The following MYO9A variants were observed in gnomAD, a reference collection of about 807,000 sequenced individuals.
The protein encoded by MYO9A is unconventional myosin-IXa.
MYO9A carries 103 observed loss-of-function variants against 293.3 expected under a neutral mutation model. The observed-to-expected ratio is 0.35, with a 90% CI of 0.30 to 0.41. The LOEUF is 0.41. Ranked by LOEUF, MYO9A falls within the 10% of genes least tolerant of loss-of-function variation. The pLI is 1.00. For missense variants in MYO9A, 2,685 were observed against 3,033.0 expected, an observed-to-expected ratio of 0.89 and a Z score of 2.69; for synonymous variants, 1,001 against 1,035.7, an observed-to-expected ratio of 0.97 and a Z score of 0.64.
At chr15:71,976,511 TC>T (rs1469870963) in intron 12 of MYO9A, among the ~76,000 whole-genome samples, 31 of 152,170 alleles carry the variant, frequency 2.0e-4, no homozygotes, top group Admixed American at 1.9e-3. Flanking sequence ...ACTATAAAAT[TC>T]CCCAAACAAA....
At chr15:71,957,333 TG>T (rs2059227626) in intron 14 of MYO9A, among the ~76,000 whole-genome samples, 1 of 152,152 alleles carries the variant, frequency 6.6e-6, no homozygotes, top group East Asian at 1.9e-4. Flanking sequence ...CTGACAAAGT[TG>T]TTTTGACAAT....
chr15:71,983,522 G>A (rs1247351785), intron 11 of MYO9A, among the ~76,000 whole-genome samples: 1 of 139,552 alleles, frequency 7.2e-6, no homozygotes, highest in African/African-American at 2.7e-5. Context: ...TGTCACCCAG[G>A]ATGGAGTGCA....
At chr15:71,866,485 C>G (rs982831167) in intron 32 of MYO9A, among the ~76,000 whole-genome samples, 2 of 151,380 alleles carry the variant, frequency 1.3e-5, no homozygotes, top group Admixed American at 6.6e-5. Flanking sequence ...GGCAACAGAC[C>G]CCATCTCTTA....
chr15:72,056,713 G>T (rs1386297050), intron 1 of MYO9A, among the ~76,000 whole-genome samples: 2 of 152,088 alleles, frequency 1.3e-5, no homozygotes, highest in Non-Finnish European at 2.9e-5. Context: ...AGTGGCTCAC[G>T]CCTGTTAATC....
intron 1 of MYO9A, among the ~76,000 whole-genome samples, chr15:72,075,859 CA>C (rs1406404606): frequency 6.6e-6 from 1 of 151,994 alleles, no homozygotes; most frequent in Admixed American, 6.6e-5. Flanking sequence ...TCTAGATCTG[CA>C]AGAAGGAATG....
chr15:71,986,022 G>C (rs1268392391), intron 11 of MYO9A, among the ~76,000 whole-genome samples: 5 of 152,110 alleles, frequency 3.3e-5, no homozygotes, highest in Non-Finnish European at 7.4e-5. Context: ...AGAAAAAAGA[G>C]GGCAGTAATA....
chr15:71,872,078 T>C (rs1390482498), intron 32 of MYO9A, among the ~76,000 whole-genome samples: 1 of 152,138 alleles, frequency 6.6e-6, no homozygotes, highest in Non-Finnish European at 1.5e-5. Context: ...TGAAAAAACT[T>C]AGTTCAAAAT....
chr15:71,995,016 G>T (rs529226716), intron 9 of MYO9A, among the ~76,000 whole-genome samples: 1 of 152,336 alleles, frequency 6.6e-6, no homozygotes, highest in East Asian at 1.9e-4. Flanking sequence ...ACAGGCGTGA[G>T]CCACCGCACC....
chr15:71,941,417 A>T (rs970266883), intron 15 of MYO9A, among the ~76,000 whole-genome samples: 1 of 152,228 alleles, frequency 6.6e-6, no homozygotes, highest in Non-Finnish European at 1.5e-5. Context: ...CCTGGATGAC[A>T]GGGCAAGACT....
intron 32 of MYO9A, among the ~76,000 whole-genome samples, chr15:71,874,154 C>T (rs945360861): frequency 1.3e-5 from 2 of 152,122 alleles, no homozygotes; most frequent in African/African-American, 4.8e-5. Flanking sequence ...ACAGTCAGAT[C>T]GCACTTCTAA....
At chr15:71,973,138 G>C (rs1356209649) in intron 12 of MYO9A, among the ~76,000 whole-genome samples, 1 of 152,120 alleles carries the variant, frequency 6.6e-6, no homozygotes, top group African/African-American at 2.4e-5. Context: ...CACCCTCCAA[G>C]GACAGAATTG....
chr15:71,926,193 G>A (rs2058309737), intron 18 of MYO9A, among the ~76,000 whole-genome samples: 1 of 152,126 alleles, frequency 6.6e-6, no homozygotes, highest in South Asian at 2.1e-4. Context: ...TACAAAGTTG[G>A]TGTGCTTTTC....
chr15:71,841,530 G>T (rs1336079101), intron 39 of MYO9A, among the ~76,000 whole-genome samples: 2 of 152,148 alleles, frequency 1.3e-5, no homozygotes, highest in Non-Finnish European at 2.9e-5. Flanking sequence ...TCCTAACATA[G>T]AGTCATCCTT....
At chr15:72,053,171 A>C (rs2078619047) in intron 1 of MYO9A, among the ~76,000 whole-genome samples, 1 of 152,152 alleles carries the variant, frequency 6.6e-6, no homozygotes, top group Admixed American at 6.5e-5. Flanking sequence ...AGGCCAAGGC[A>C]GGCGGATCAC....
At chr15:71,923,126 A>G (rs1280353026) in intron 18 of MYO9A, among the ~76,000 whole-genome samples, 9 of 152,184 alleles carry the variant, frequency 5.9e-5, no homozygotes, top group Non-Finnish European at 1.3e-4. Flanking sequence ...ATCTGTGTCT[A>G]TTGAAATAAC....
chr15:71,971,170 T>TAA (rs531078612), intron 12 of MYO9A, among the ~76,000 whole-genome samples: 7 of 139,288 alleles, frequency 5.0e-5, no homozygotes, highest in Non-Finnish European at 1.6e-5. Flanking sequence ...CAGAAAAAAT[T>TAA]AAAAAAAAAA....
chr15:71,856,664 C>G (rs918029302), intron 34 of MYO9A, among the ~76,000 whole-genome samples: 1 of 152,138 alleles, frequency 6.6e-6, no homozygotes, highest in African/African-American at 2.4e-5. Flanking sequence ...ATCATTCATG[C>G]ATGTATCTAC....
At chr15:71,835,679 G>A (rs1244069659) in intron 39 of MYO9A, among the ~76,000 whole-genome samples, 2 of 152,040 alleles carry the variant, frequency 1.3e-5, no homozygotes, top group Non-Finnish European at 2.9e-5. Flanking sequence ...AATCAGTATC[G>A]TAAAAATGTC....
Position 71,899,030 on chromosome 15 carries a change from A to C in MYO9A, c.3473T>G (p.Phe1158Cys). ...TCRGFRARQR[F>C]KALKEQRLRE... ...TAGCCTTTGTTCTTTTAAAGCTTTA[A>C]ATCTATATAAAAACAGACAAAATGG... is the stretch of plus-strand genomic sequence containing the variant. The change falls in exon 25 of 42, where the codon TTT (phenylalanine) becomes TGT (cysteine). Residue 1158 changes from phenylalanine (F) to cysteine (C), a missense_variant and splice_region_variant. Phe to Cys is a radical substitution (Grantham distance 205, BLOSUM62 -2). This residue lies in a region of MYO9A where 1,434 missense variants were observed against 1,497.7 expected (regional missense o/e 0.96). Coordinates refer to ENST00000356056, the MANE Select transcript of MYO9A (RefSeq NM_006901.4). 6.3e-7 allele frequency: 1 copy of C among 1,589,108 alleles called. No individual in the cohort carries two copies. The highest frequency in any genetic ancestry group is 2.2e-5 in the East Asian group (1 of 44,742).
Sources: gnomAD v4.1 joint callset for allele counts (sites outside exome capture counted in the v4.1 genomes callset) on GRCh38, gnomAD v4.1.1 for gene constraint, gnomAD v4.1.1 regional missense constraint, MANE v1.5 for transcripts, NCBI Gene and HGNC (gene_info 2026-07-23, HGNC 2026-07-21) for gene names.